AGBL4: variants seen among roughly 807,000 people sequenced by gnomAD.
AGBL4 encodes AGBL carboxypeptidase 4, also known as cytosolic carboxypeptidase 6.
A neutral mutation model predicts 66.4 loss-of-function variants in AGBL4; 58 were observed. That is an observed-to-expected ratio of 0.87 (90% confidence interval 0.71 to 1.09). AGBL4 has a LOEUF of 1.09. Ranked by LOEUF, AGBL4 falls within the 50% of genes least tolerant of loss-of-function variation. The probability of loss-of-function intolerance (pLI) is 0.00; values close to 1 mark genes in which losing one functional copy is unlikely to be tolerated. For synonymous variants in AGBL4, 234 were observed against 222.9 expected, an observed-to-expected ratio of 1.05 and a Z score of -0.44; for missense variants, 579 against 631.0, an observed-to-expected ratio of 0.92 and a Z score of 0.88.
In AGBL4 at chr1:49,084,930, A is replaced by G. The variant is rs548322696; in HGVS notation, c.378-39130T>C. Among the ~76,000 whole-genome samples the G allele has an allele frequency of 3.9e-5, 6 of 152,228 alleles. No individual in the cohort carries two copies. The East Asian group carries it at 5.8e-4, about 15-fold the overall frequency. ...TGACTCCAAATTCTAAGTTCTCTTC[A>G]CTTACCTACTATGAATTTCAAGGTG... is the stretch of plus-strand genomic sequence containing the variant. On this transcript the variant is annotated intron_variant, in intron 4 of 13. Coordinates refer to ENST00000371839, the MANE Select transcript of AGBL4 (RefSeq NM_032785.4).
At chr1:49,383,875 C>T (rs556641619) in intron 3 of AGBL4, among the ~76,000 whole-genome samples, 1 of 151,684 alleles carries the variant, frequency 6.6e-6, no homozygotes, top group Admixed American at 6.6e-5. Context: ...TGGCTCATTG[C>T]GACCGCCGCC....
intron 9 of AGBL4, among the ~76,000 whole-genome samples, chr1:48,595,994 T>TAACC (rs1330984717): frequency 6.6e-6 from 1 of 152,224 alleles, no homozygotes; most frequent in Non-Finnish European, 1.5e-5. Flanking sequence ...TAGGCAGGAA[T>TAACC]AACCGCAAGT....
intron 4 of AGBL4, among the ~76,000 whole-genome samples, chr1:49,074,615 T>A (rs1171397488): frequency 6.6e-6 from 1 of 152,130 alleles, no homozygotes; most frequent in African/African-American, 2.4e-5. Context: ...ACATAATAAT[T>A]ATGAGCCCTC....
At chr1:49,991,304 T>C (rs973002262) in intron 1 of AGBL4, among the ~76,000 whole-genome samples, 2 of 152,144 alleles carry the variant, frequency 1.3e-5, no homozygotes, top group African/African-American at 4.8e-5. Flanking sequence ...AGGACATTAG[T>C]TTTAGTATAT....
intron 5 of AGBL4, among the ~76,000 whole-genome samples, chr1:49,020,010 A>G (rs541384336): frequency 1.3e-5 from 2 of 152,334 alleles, no homozygotes; most frequent in South Asian, 4.1e-4. Context: ...TTTGGTTTAT[A>G]TTACCCCTGA....
At chr1:49,565,799 G>A (rs927542906) in intron 3 of AGBL4, among the ~76,000 whole-genome samples, 1 of 152,114 alleles carries the variant, frequency 6.6e-6, no homozygotes, top group Non-Finnish European at 1.5e-5. Flanking sequence ...TCTTCTTGAG[G>A]AGTATCTTTG....
intron 6 of AGBL4, among the ~76,000 whole-genome samples, chr1:48,811,240 A>G (rs1329777538): frequency 6.6e-6 from 1 of 152,108 alleles, no homozygotes; most frequent in Admixed American, 6.6e-5. Flanking sequence ...GGTCAAACGC[A>G]TGTGTGTCAT....
chr1:48,529,262 T>C (rs1311958920), downstream of AGBL4, among the ~76,000 whole-genome samples: 1 of 151,934 alleles, frequency 6.6e-6, no homozygotes, highest in Non-Finnish European at 1.5e-5. Flanking sequence ...GTACGTCATC[T>C]GGGGAGAAGA....
chr1:48,816,625 G>T (rs769819059), intron 6 of AGBL4, among the ~76,000 whole-genome samples: 4 of 152,158 alleles, frequency 2.6e-5, no homozygotes, highest in Non-Finnish European at 4.4e-5. Flanking sequence ...CAAGGATTAT[G>T]GTAACTAGTC....
At chr1:49,105,923 T>C (rs1280009614) in intron 4 of AGBL4, among the ~76,000 whole-genome samples, 1 of 152,236 alleles carries the variant, frequency 6.6e-6, no homozygotes, top group African/African-American at 2.4e-5. Flanking sequence ...AAATTAGAAG[T>C]ACTGACTAAA....
chr1:48,813,075 A>C (rs4926761), intron 6 of AGBL4, among the ~76,000 whole-genome samples: 135,091 of 151,514 alleles, frequency 0.89, 62,134 homozygotes, highest in Non-Finnish European at 1. Flanking sequence ...CAAACCTGCA[A>C]GTTGTGCACA....
chr1:49,813,945 A>C (rs375777638), intron 2 of AGBL4, among the ~76,000 whole-genome samples: 1 of 152,030 alleles, frequency 6.6e-6, no homozygotes, highest in Non-Finnish European at 1.5e-5. Flanking sequence ...TGCTATTCTC[A>C]TGATAGTGAA....
intron 5 of AGBL4, among the ~76,000 whole-genome samples, chr1:48,892,259 T>A (rs1310328548): frequency 6.6e-6 from 1 of 152,248 alleles, no homozygotes; most frequent in African/African-American, 2.4e-5. Flanking sequence ...GTCTTCACAT[T>A]GCCTTCTTTT....
intron 6 of AGBL4, among the ~76,000 whole-genome samples, chr1:48,769,993 C>T (rs1045292376): frequency 6.6e-6 from 1 of 152,154 alleles, no homozygotes; most frequent in African/African-American, 2.4e-5. Flanking sequence ...TCCCATAGTG[C>T]AGGGTTCCAT....
chr1:49,217,238 C>T (rs185605053), intron 4 of AGBL4, among the ~76,000 whole-genome samples: 10 of 152,170 alleles, frequency 6.6e-5, no homozygotes, highest in Admixed American at 3.9e-4. Flanking sequence ...TGTTTAAAGC[C>T]TTTTAGCAGA....
chr1:49,135,613 A>C lies in AGBL4; in HGVS notation c.378-89813T>G, dbSNP rs541250382. Among the ~76,000 whole-genome samples, 10 of 152,268 alleles carry C rather than the reference A, an allele frequency of 6.6e-5. No individual in the cohort carries two copies. In the South Asian group the frequency reaches 1.9e-3, roughly 28 times the overall value. On this transcript the variant is annotated intron_variant, in intron 4 of 13. Coordinates refer to ENST00000371839, the MANE Select transcript of AGBL4 (RefSeq NM_032785.4). ...GTATCACTTAATGGGAAATGAAGAGATGGGCTGAATTAAAGGAATAGGTTG... is the reference window on the plus strand; with the variant it reads ...GTATCACTTAATGGGAAATGAAGAGCTGGGCTGAATTAAAGGAATAGGTTG...
At chr1:49,085,792 T>G (rs1449956215) in intron 4 of AGBL4, among the ~76,000 whole-genome samples, 1 of 152,048 alleles carries the variant, frequency 6.6e-6, no homozygotes, top group African/African-American at 2.4e-5. Context: ...AGACTAAAAA[T>G]GGGAGACCCT....
At position 49,315,702 on chromosome 1, in the gene AGBL4, C is replaced by G. The variant is rs574024062; in HGVS notation, c.283-69838G>C. Among the ~76,000 whole-genome samples the G allele has an allele frequency of 2.0e-5, 3 of 152,150 alleles. No homozygotes were observed. In the East Asian group the frequency reaches 5.8e-4, roughly 29 times the overall value. Reference sequence around the variant, plus strand: ...ACATCTACTTTGGGAGATAATTTGGCAGTTTCTCACAAAATTAAATGTACT... The same window carrying G: ...ACATCTACTTTGGGAGATAATTTGGGAGTTTCTCACAAAATTAAATGTACT... On this transcript the variant is annotated intron_variant, in intron 3 of 13. Transcript: ENST00000371839.
chr1:48,556,079 A>C (rs926914682), intron 11 of AGBL4, among the ~76,000 whole-genome samples: 1 of 152,148 alleles, frequency 6.6e-6, no homozygotes, highest in Admixed American at 6.5e-5. Flanking sequence ...AGTAGCTATT[A>C]TGATTCCTAT....
Sources: allele counts gnomAD v4.1 joint callset (sites outside exome capture counted in the v4.1 genomes callset), GRCh38; gene constraint gnomAD v4.1.1; transcripts MANE v1.5; gene names NCBI Gene and HGNC (gene_info 2026-07-23, HGNC 2026-07-21).